MARCHF1: variants seen among roughly 807,000 people sequenced by gnomAD.
The protein encoded by MARCHF1 is membrane associated ring-CH-type finger 1, also known as E3 ubiquitin-protein ligase MARCHF1.
A neutral mutation model predicts 54.2 loss-of-function variants in MARCHF1; 40 were observed. The ratio of observed to expected loss-of-function variants is 0.74; its 90% confidence interval spans 0.57 to 0.96. The LOEUF (loss-of-function observed/expected upper bound fraction) is 0.96, where lower values mean the gene tolerates loss of function less well. Ranked by LOEUF, MARCHF1 falls within the 40% of genes least tolerant of loss-of-function variation. The pLI, the probability that MARCHF1 is intolerant of heterozygous loss-of-function variation, is 0.00. For synonymous variants in MARCHF1, 236 were observed against 236.3 expected, an observed-to-expected ratio of 1.00 and a Z score of 0.01; for missense variants, 586 against 656.5, an observed-to-expected ratio of 0.89 and a Z score of 1.17.
chr4:164,234,683 A>T (rs1015572593), intron 1 of MARCHF1: 26 of 152,134 alleles, frequency 1.7e-4, no homozygotes, highest in African/African-American at 5.8e-4. Context: ...AATTTGCCTT[A>T]ATCTCTTAAA....
At chr4:163,777,283 T>C (rs922998677) in intron 4 of MARCHF1, among the ~76,000 whole-genome samples, 1 of 152,190 alleles carries the variant, frequency 6.6e-6, no homozygotes, top group Admixed American at 6.5e-5. Context: ...ATTTTGCTAA[T>C]GATGGACCAC....
At chr4:163,861,468 GA>G (rs1749930931) in intron 3 of MARCHF1, among the ~76,000 whole-genome samples, 1 of 151,958 alleles carries the variant, frequency 6.6e-6, no homozygotes, top group Admixed American at 6.6e-5. Flanking sequence ...ATTGAAATTT[GA>G]AATTAATAAA....
chr4:163,801,735 T>G (rs1431509293), intron 4 of MARCHF1, among the ~76,000 whole-genome samples: 1 of 152,116 alleles, frequency 6.6e-6, no homozygotes, highest in Non-Finnish European at 1.5e-5. Context: ...CTTCCGTTAA[T>G]TTTGCTTGTT....
chr4:163,595,506 G>A (rs1031075233), intron 7 of MARCHF1, among the ~76,000 whole-genome samples: 3 of 152,088 alleles, frequency 2.0e-5, no homozygotes, highest in Non-Finnish European at 4.4e-5. Flanking sequence ...AACACAGTAA[G>A]ACCCTGTCTC....
chr4:163,529,287 A>G (rs1355348088), intron 9 of MARCHF1, among the ~76,000 whole-genome samples: 1 of 152,000 alleles, frequency 6.6e-6, no homozygotes, highest in Non-Finnish European at 1.5e-5. Flanking sequence ...TCACTGTCAA[A>G]TCTCTTATTT....
intron 1 of MARCHF1, among the ~76,000 whole-genome samples, chr4:164,204,324 CTG>C (rs1021655103): frequency 2.6e-5 from 4 of 152,172 alleles, no homozygotes; most frequent in African/African-American, 9.7e-5. Context: ...AATAAAAAAA[CTG>C]TTTTTCACTT....
chr4:163,690,388 G>A (rs2111197784), intron 5 of MARCHF1, among the ~76,000 whole-genome samples: 1 of 152,232 alleles, frequency 6.6e-6, no homozygotes, highest in South Asian at 2.1e-4. Flanking sequence ...AAATGTTATT[G>A]ATCCTAGCTT....
intron 2 of MARCHF1, among the ~76,000 whole-genome samples, chr4:164,043,749 C>T (rs1468741302): frequency 6.6e-6 from 1 of 152,194 alleles, no homozygotes; most frequent in Non-Finnish European, 1.5e-5. Flanking sequence ...TGCTCCCCTT[C>T]CCTTTTAAAT....
intron 1 of MARCHF1, among the ~76,000 whole-genome samples, chr4:164,151,424 A>G (rs1349926648): frequency 6.6e-6 from 1 of 152,178 alleles, no homozygotes; most frequent in Non-Finnish European, 1.5e-5. Flanking sequence ...TTATCTATGA[A>G]ATTTTGTAAA....
At chr4:163,881,191 A>G (rs578249402) in intron 3 of MARCHF1, among the ~76,000 whole-genome samples, 128 of 152,288 alleles carry the variant, frequency 8.4e-4, no homozygotes, top group Middle Eastern at 3.4e-3. Context: ...ATTATCCAAC[A>G]AGGCCGGGCA....
chr4:163,583,666 T>TTTTTTTTTTTTG (rs1740310671), intron 8 of MARCHF1: 1 of 139,818 alleles, frequency 7.2e-6, no homozygotes, highest in African/African-American at 2.7e-5. Context: ...TTTTTTTTTT[T>TTTTTTTTTTTTG]GGAGACAAAG....
chr4:163,577,052 C>T (rs1301500447), intron 8 of MARCHF1, among the ~76,000 whole-genome samples: 1 of 151,806 alleles, frequency 6.6e-6, no homozygotes, highest in Non-Finnish European at 1.5e-5. Flanking sequence ...GCATTTAGAC[C>T]ATTTACATTC....
At chr4:163,996,893 T>A (rs1301187067) in intron 2 of MARCHF1, among the ~76,000 whole-genome samples, 1 of 151,974 alleles carries the variant, frequency 6.6e-6, no homozygotes, top group African/African-American at 2.4e-5. Context: ...GCTTTCAGAG[T>A]GAGCATGGCT....
intron 3 of MARCHF1, among the ~76,000 whole-genome samples, chr4:163,978,645 C>A (rs1186743241): frequency 1.2e-4 from 19 of 152,164 alleles, no homozygotes; most frequent in Admixed American, 1.2e-3. Flanking sequence ...CCACCTTACT[C>A]TGTTGCCAAT....
chr4:164,237,177 CAT>C (rs1263551986), intron 1 of MARCHF1, among the ~76,000 whole-genome samples: 1 of 152,090 alleles, frequency 6.6e-6, no homozygotes, highest in Non-Finnish European at 1.5e-5. Context: ...CACCTGATGA[CAT>C]AATTTTATTT....
rs1169853860 is a variant in MARCHF1, at chr4:164,110,711, A to C, written c.-248+877T>G. 1.6e-4 allele frequency among the ~76,000 whole-genome samples: 7 copies of C among 45,014 alleles called. No individual in the cohort carries two copies. In the East Asian group the frequency reaches 1.8e-3, roughly 11 times the overall value. 29.5% of individuals were successfully genotyped at this position (45,014 alleles called of 152,430 possible). ...TGAAAAAAAGTCTGCTTCAATGAAA[A>C]GCCAAAAAAAAAAAAGCTGCAAGTG... is the stretch of plus-strand genomic sequence containing the variant. On this transcript the variant is annotated intron_variant, in intron 2 of 9. Transcript: ENST00000514618.
At chr4:164,295,332 C>T (rs1019290079) in intron 1 of MARCHF1, among the ~76,000 whole-genome samples, 1 of 152,026 alleles carries the variant, frequency 6.6e-6, no homozygotes, top group Non-Finnish European at 1.5e-5. Flanking sequence ...GATTAGAATG[C>T]CCTTCTTGCA....
intron 1 of MARCHF1, among the ~76,000 whole-genome samples, chr4:164,335,615 C>A (rs1431586667): frequency 6.6e-6 from 1 of 151,792 alleles, no homozygotes; most frequent in African/African-American, 2.4e-5. Flanking sequence ...TTTGCTTCAG[C>A]CACTCCAACT....
intron 1 of MARCHF1, among the ~76,000 whole-genome samples, chr4:164,232,869 C>G (rs1043635196): frequency 3.0e-4 from 46 of 152,110 alleles, no homozygotes; most frequent in African/African-American, 1.1e-3. Context: ...ACACAGAAAC[C>G]TATAGACACG....
Sources: allele counts gnomAD v4.1 joint callset (sites outside exome capture counted in the v4.1 genomes callset), GRCh38; gene constraint gnomAD v4.1.1; transcripts MANE v1.5; gene names NCBI Gene and HGNC (gene_info 2026-07-23, HGNC 2026-07-21).